The following GRM1 variants were observed in gnomAD, a reference collection of about 807,000 sequenced individuals.
The protein encoded by GRM1 is glutamate metabotropic receptor 1, also known as metabotropic glutamate receptor 1.
Under a neutral mutation model 90.9 loss-of-function variants are expected in GRM1, and 33 were observed. The observed-to-expected ratio is 0.36, with a 90% CI of 0.28 to 0.49. The LOEUF is 0.49. Ranked by LOEUF, GRM1 falls within the 20% of genes least tolerant of loss-of-function variation. The pLI is 0.99. For synonymous variants in GRM1, 700 were observed against 613.2 expected (o/e 1.14, Z -2.09); for missense variants, 1,190 against 1,534.3 (o/e 0.78, Z 3.75).
intron 1 of GRM1, among the ~76,000 whole-genome samples, chr6:146,058,258 A>G (rs756067592): frequency 6.6e-6 from 1 of 152,118 alleles, no homozygotes; most frequent in Non-Finnish European, 1.5e-5. Context: ...ATAACTGGCT[A>G]TACAGGTGTA....
intron 2 of GRM1, among the ~76,000 whole-genome samples, chr6:146,298,628 G>A (rs1583291978): frequency 6.6e-6 from 1 of 152,152 alleles, no homozygotes; most frequent in Non-Finnish European, 1.5e-5. Flanking sequence ...TTCTGGAGGG[G>A]ACTTTGCATA....
chr6:146,168,588 AT>A (rs1008749535), intron 2 of GRM1, among the ~76,000 whole-genome samples: 4 of 151,746 alleles, frequency 2.6e-5, no homozygotes, highest in Non-Finnish European at 1.5e-5. Flanking sequence ...CATTTGGATT[AT>A]TTTTTTTCTG....
At chr6:146,233,283 A>G (rs1012013020) in intron 2 of GRM1, among the ~76,000 whole-genome samples, 1 of 152,170 alleles carries the variant, frequency 6.6e-6, no homozygotes, top group Non-Finnish European at 1.5e-5. Flanking sequence ...TGCATCCAGT[A>G]GTATGCTAGG....
intron 1 of GRM1, among the ~76,000 whole-genome samples, chr6:146,133,285 G>A (rs1776477357): frequency 1.3e-5 from 2 of 152,092 alleles, no homozygotes; most frequent in African/African-American, 2.4e-5. Flanking sequence ...CCTAATTTTG[G>A]GCTTCTCAGA....
intron 3 of GRM1, among the ~76,000 whole-genome samples, chr6:146,335,126 G>C (rs376069540): frequency 6.6e-6 from 1 of 152,060 alleles, no homozygotes; most frequent in African/African-American, 2.4e-5. Context: ...AACCCTTCCC[G>C]TTGACTGACA....
intron 2 of GRM1, among the ~76,000 whole-genome samples, chr6:146,228,024 C>A (rs191737568): frequency 6.6e-6 from 1 of 152,276 alleles, no homozygotes; most frequent in East Asian, 1.9e-4. Context: ...AAAGTTTTCT[C>A]TGACATTTAT....
At chr6:146,041,883 C>T (rs1365754177) in intron 1 of GRM1, among the ~76,000 whole-genome samples, 3 of 151,900 alleles carry the variant, frequency 2.0e-5, no homozygotes, top group African/African-American at 7.3e-5. Context: ...GAAATTTATT[C>T]TCTCACAGTT....
chr6:146,028,042 C>A (rs1050461137), upstream of GRM1, among the ~76,000 whole-genome samples: 5 of 152,164 alleles, frequency 3.3e-5, no homozygotes, highest in African/African-American at 1.2e-4. Flanking sequence ...CCATAGCCCC[C>A]TTTTCGTCGA....
At chr6:146,354,521 T>C (rs772134718) in intron 4 of GRM1, among the ~76,000 whole-genome samples, 18 of 152,212 alleles carry the variant, frequency 1.2e-4, no homozygotes, top group Non-Finnish European at 2.5e-4. Flanking sequence ...TTCTTCTCCA[T>C]CTTTAATTAA....
intron 7 of GRM1, among the ~76,000 whole-genome samples, chr6:146,413,982 C>T (rs1777665589): frequency 6.6e-6 from 1 of 152,166 alleles, no homozygotes; most frequent in Non-Finnish European, 1.5e-5. Context: ...GTTTCTAACT[C>T]TCACTATGAC....
intron 2 of GRM1, among the ~76,000 whole-genome samples, chr6:146,199,847 A>G (rs2114610881): frequency 6.6e-6 from 1 of 152,264 alleles, no homozygotes; most frequent in Middle Eastern, 3.4e-3. Flanking sequence ...GAGAAACCCC[A>G]TCTCTACTAA....
chr6:146,085,192 C>T (rs1400598574), intron 1 of GRM1, among the ~76,000 whole-genome samples: 1 of 151,824 alleles, frequency 6.6e-6, no homozygotes, highest in Non-Finnish European at 1.5e-5. Flanking sequence ...AACTACATAA[C>T]AATAAAAATA....
chr6:146,122,605 G>T (rs1776031474), intron 1 of GRM1, among the ~76,000 whole-genome samples: 2 of 151,940 alleles, frequency 1.3e-5, no homozygotes, highest in Non-Finnish European at 2.9e-5. Context: ...CTGAACACTG[G>T]AGAATATCTC....
chr6:146,079,398 T>TA (rs965670866), intron 1 of GRM1, among the ~76,000 whole-genome samples: 3 of 152,100 alleles, frequency 2.0e-5, no homozygotes, highest in Non-Finnish European at 4.4e-5. Context: ...AGGGTTAAAG[T>TA]AAAAAGGGGG....
Position 146,029,586 on chromosome 6 carries a change from C to G in GRM1, c.69C>G (p.Pro23=), listed in dbSNP as rs1007689782. 1 of 1,613,978 alleles carries G rather than the reference C, an allele frequency of 6.2e-7. No homozygotes were observed. Among genetic ancestry groups the G allele is most frequent in the Admixed American group, 1.7e-5 (1 of 59,988 alleles). ...AGGTGTCCCTTCTCCCCAGAAGCCC[C>G]GGCAGGAAAGTGTTGCTGGCAGGAG... The part of the protein sequence containing the change: ...FLEVSLLPRS[P]GRKVLLAGAS... Residue 23 remains proline (P), a synonymous_variant, in exon 1 of 8, where the codon CCC becomes CCG. Coordinates refer to ENST00000282753, the MANE Select transcript of GRM1 (RefSeq NM_001278064.2).
intron 7 of GRM1, among the ~76,000 whole-genome samples, chr6:146,419,097 G>A (rs1777895142): frequency 6.6e-6 from 1 of 152,134 alleles, no homozygotes; most frequent in African/African-American, 2.4e-5. Context: ...AATGTGAATT[G>A]TACAGGAACT....
chr6:146,135,378 C>T (rs1002349234), intron 1 of GRM1, among the ~76,000 whole-genome samples: 3 of 152,240 alleles, frequency 2.0e-5, no homozygotes, highest in Admixed American at 6.5e-5. Flanking sequence ...GAAAACTCCT[C>T]TGCACAATCT....
At chr6:146,369,002 T>C (rs1775801405) in intron 5 of GRM1, among the ~76,000 whole-genome samples, 2 of 152,060 alleles carry the variant, frequency 1.3e-5, no homozygotes, top group Admixed American at 1.3e-4. Context: ...GAGAGATTTT[T>C]ATTACTGATT....
At chr6:146,234,037 A>G (rs1780541465) in intron 2 of GRM1, among the ~76,000 whole-genome samples, 1 of 152,024 alleles carries the variant, frequency 6.6e-6, no homozygotes, top group African/African-American at 2.4e-5. Context: ...TAATCCCTTT[A>G]TCATTATGTA....
Sources: gnomAD v4.1 joint callset for allele counts (sites outside exome capture counted in the v4.1 genomes callset) on GRCh38, gnomAD v4.1.1 for gene constraint, MANE v1.5 for transcripts, NCBI Gene and HGNC (gene_info 2026-07-23, HGNC 2026-07-21) for gene names.